The following LDB2 variants were observed in gnomAD, a reference collection of about 807,000 sequenced individuals.
LDB2 encodes the protein LIM domain-binding protein 2.
In LDB2, 12 loss-of-function variants were observed where a neutral mutation model predicts 44.3. That is an observed-to-expected ratio of 0.27 (90% CI 0.17 to 0.44). LDB2 has a LOEUF of 0.44. LDB2 is among the 20% of genes least tolerant of loss of function. The probability of loss-of-function intolerance (pLI) is 1.00; values close to 1 mark genes in which losing one functional copy is unlikely to be tolerated. For missense variants in LDB2, 344 were observed against 473.5 expected (o/e 0.73, Z 2.54); for synonymous variants, 164 against 174.8 (o/e 0.94, Z 0.49).
At chr4:16,712,380 C>A (rs1322432790) in intron 2 of LDB2, among the ~76,000 whole-genome samples, 1 of 151,910 alleles carries the variant, frequency 6.6e-6, no homozygotes, top group African/African-American at 2.4e-5. Flanking sequence ...GGTGAAACCC[C>A]GTCTCTACTA....
Position 16,582,034 on chromosome 4 carries a change from G to A in LDB2, c.615+3888C>T, listed in dbSNP as rs2152419676. 6.8e-6 allele frequency among the ~76,000 whole-genome samples: 1 copy of A among 147,858 alleles called. No individual in the cohort carries two copies. On this transcript the variant is annotated intron_variant, in intron 5 of 7. Coordinates refer to ENST00000304523, the MANE Select transcript of LDB2 (RefSeq NM_001290.5). This position sits in a 1 kb window ranked among gnomAD's most constrained non-coding sequence, Gnocchi z 4.8. The stretch of plus-strand genomic sequence containing the variant: ...GGAAGGAAGGAAGGAAGGAAGGAAG[G>A]AAGGAAGGAAGGAAGGAAAAGAAAG...
chr4:16,512,211 T>C lies in LDB2; in HGVS notation c.616-107A>G, dbSNP rs1722013304. ...TAGACAGCTTTGAGAATACTTTTAT[T>C]TTCCTGGTTTTGATTTTCTTTATAT... On this transcript the variant is annotated intron_variant, in intron 5 of 7. Transcript: ENST00000304523. 7 of 1,069,496 alleles carry C rather than the reference T, an allele frequency of 6.5e-6. 1 individual carries two copies. The Admixed American group carries it at 1.5e-4, about 23-fold the overall frequency. The allele number at this position is 1,069,496 out of a possible 1,614,324, so 66.3% of individuals were successfully genotyped here.
At chr4:16,890,644 C>A (rs898865396) in intron 1 of LDB2, among the ~76,000 whole-genome samples, 2 of 152,148 alleles carry the variant, frequency 1.3e-5, no homozygotes, top group Non-Finnish European at 2.9e-5. Context: ...AGTGAAAAGT[C>A]AGATGATCCA....
intron 1 of LDB2, among the ~76,000 whole-genome samples, chr4:16,803,482 C>T (rs1246419021): frequency 6.6e-6 from 1 of 152,072 alleles, no homozygotes; most frequent in Non-Finnish European, 1.5e-5. Flanking sequence ...AAGACTTGAC[C>T]ACAGGGCAAA....
chr4:16,756,884 T>C (rs1210471375), intron 2 of LDB2, among the ~76,000 whole-genome samples: 3 of 151,506 alleles, frequency 2.0e-5, no homozygotes, highest in Non-Finnish European at 2.9e-5. Flanking sequence ...TGAAAAGTTT[T>C]TTCTAGTAAA....
intron 1 of LDB2, among the ~76,000 whole-genome samples, chr4:16,829,310 C>A (rs1454680250): frequency 6.6e-6 from 1 of 152,112 alleles, no homozygotes; most frequent in Non-Finnish European, 1.5e-5. Context: ...AGGGGACCAC[C>A]AGGAATCCCC....
At chr4:16,850,947 A>ATGTGTGTGTGTGT (rs71649986) in intron 1 of LDB2, among the ~76,000 whole-genome samples, 2 of 143,072 alleles carry the variant, frequency 1.4e-5, no homozygotes, top group African/African-American at 2.7e-5. Context: ...TAAAACCATA[A>ATGTGTGTGTGTGT]GTGTGTGTGT....
intron 1 of LDB2, among the ~76,000 whole-genome samples, chr4:16,852,377 C>G (rs1394933492): frequency 6.6e-6 from 1 of 152,202 alleles, no homozygotes; most frequent in African/African-American, 2.4e-5. Flanking sequence ...ATGGATCTTT[C>G]TTTTCCCTTC....
intron 2 of LDB2, among the ~76,000 whole-genome samples, chr4:16,683,477 C>A (rs1049098321): frequency 6.6e-6 from 1 of 152,222 alleles, no homozygotes; most frequent in African/African-American, 2.4e-5. Context: ...TAAAACTTAT[C>A]TGTAAAAGAA....
intron 2 of LDB2, among the ~76,000 whole-genome samples, chr4:16,731,647 CTG>C (rs1268804278): frequency 6.6e-6 from 1 of 152,196 alleles, no homozygotes; most frequent in Non-Finnish European, 1.5e-5. Flanking sequence ...GCCTTCAACA[CTG>C]AGAAAATAAA....
intron 5 of LDB2, among the ~76,000 whole-genome samples, chr4:16,521,958 A>C (rs1726270354): frequency 1.3e-5 from 2 of 152,116 alleles, no homozygotes; most frequent in African/African-American, 4.8e-5. Flanking sequence ...TAGGTATGCA[A>C]ATTCAGCTGC....
At chr4:16,739,749 CAT>C (rs1161924455) in intron 2 of LDB2, among the ~76,000 whole-genome samples, 2 of 123,622 alleles carry the variant, frequency 1.6e-5, no homozygotes, top group African/African-American at 6.8e-5. Context: ...CATACATATA[CAT>C]ATATATATAA....
intron 2 of LDB2, among the ~76,000 whole-genome samples, chr4:16,711,263 C>T (rs1048515450): frequency 6.6e-6 from 1 of 152,166 alleles, no homozygotes; most frequent in African/African-American, 2.4e-5. Context: ...AGGGAAGAAT[C>T]ACGGCATTAT....
intron 2 of LDB2, among the ~76,000 whole-genome samples, chr4:16,624,529 T>C (rs1448381504): frequency 6.6e-6 from 1 of 152,220 alleles, no homozygotes; most frequent in Non-Finnish European, 1.5e-5. Flanking sequence ...ATAATCTCAA[T>C]GACTTTACAC....
intron 2 of LDB2, among the ~76,000 whole-genome samples, chr4:16,632,406 A>T (rs201581218): frequency 6.6e-6 from 1 of 152,224 alleles, no homozygotes; most frequent in African/African-American, 2.4e-5. Flanking sequence ...AACTCTCAAT[A>T]AATTAGGTAT....
intron 1 of LDB2, among the ~76,000 whole-genome samples, chr4:16,801,980 G>C (rs1364870429): frequency 6.6e-6 from 1 of 152,190 alleles, no homozygotes; most frequent in Admixed American, 6.5e-5. Context: ...GACAACCTGA[G>C]TTTTAGCTCT....
chr4:16,618,655 G>A (rs571550053), intron 2 of LDB2, among the ~76,000 whole-genome samples: 16 of 152,280 alleles, frequency 1.1e-4, no homozygotes, highest in South Asian at 2.1e-4. Flanking sequence ...CAGTGCGGCC[G>A]ATTCAGGTAT....
intron 1 of LDB2, among the ~76,000 whole-genome samples, chr4:16,779,103 G>C (rs962926564): frequency 1.3e-5 from 2 of 152,168 alleles, no homozygotes; most frequent in Non-Finnish European, 2.9e-5. Flanking sequence ...GAATGACTTA[G>C]CCTGGCCATA....
chr4:16,656,690 A>G (rs1380991018), intron 2 of LDB2, among the ~76,000 whole-genome samples: 1 of 152,200 alleles, frequency 6.6e-6, no homozygotes, highest in African/African-American at 2.4e-5. Flanking sequence ...CATGCTTTGT[A>G]TTATTAGACA....
Sources: gnomAD v4.1 joint callset for allele counts (sites outside exome capture counted in the v4.1 genomes callset) on GRCh38, gnomAD v4.1.1 for gene constraint, Gnocchi (gnomAD v3.1) non-coding constraint, MANE v1.5 for transcripts, NCBI Gene and HGNC (gene_info 2026-07-23, HGNC 2026-07-21) for gene names.